Variants in HDAC1 observed in about 807,000 individuals in gnomAD.
HDAC1 encodes the protein histone deacetylase 1.
Under a neutral mutation model 65.5 loss-of-function variants are expected in HDAC1, and 18 were observed. The observed-to-expected ratio is 0.27, with a 90% CI of 0.19 to 0.41. HDAC1 has a LOEUF of 0.41. Ranked by LOEUF, HDAC1 falls within the 10% of genes least tolerant of loss-of-function variation. HDAC1 has a pLI of 1.00. For missense variants in HDAC1, 373 were observed against 625.2 expected (o/e 0.60, Z 4.30); for synonymous variants, 211 against 227.9 (o/e 0.93, Z 0.67).
intron 13 of HDAC1, 93 bp downstream of exon 13, chr1:32,332,842 T>G: frequency 1.6e-6 from 2 of 1,282,114 alleles, no homozygotes; most frequent in Non-Finnish European, 2.2e-6. Flanking sequence ...GGACAGCTGG[T>G]CCAGCTTACA....
chr1:32,316,878 A>T, intron 3 of HDAC1, 96 bp downstream of exon 3: 1 of 769,042 alleles, frequency 1.3e-6, no homozygotes, highest in South Asian at 1.5e-5. Context: ...CCTCCCATTC[A>T]GTGGACACCT....
Position 32,327,382 on chromosome 1 carries a change from G to A in HDAC1, c.495-154G>A, listed in dbSNP as rs762255299. 161 of 689,604 alleles carry A rather than the reference G, an allele frequency of 2.3e-4. No individual in the cohort carries two copies. Among genetic ancestry groups the A allele is most frequent in the Non-Finnish European group, 3.2e-4 (126 of 395,012 alleles). The allele number at this position is 689,604 out of a possible 1,614,324, so 42.7% of individuals were successfully genotyped here. On this transcript the variant is annotated intron_variant, in intron 5 of 13. Coordinates refer to ENST00000373548, the MANE Select transcript of HDAC1 (RefSeq NM_004964.3). This position sits in a 1 kb window ranked among gnomAD's most constrained non-coding sequence, Gnocchi z 6.0. ...CTTGGTCAGGCCTCTGGAGACACCC[G>A]GCCGCTCTTCCACCTTCCTTCAGCC...
Position 32,332,162 on chromosome 1 carries a change from G to A in HDAC1, c.1292G>A (p.Arg431His), listed in dbSNP as rs2148073655. 1.2e-6 allele frequency: 2 copies of A among 1,613,310 alleles called. No individual in the cohort carries two copies. Among genetic ancestry groups the A allele is most frequent in the Non-Finnish European group, 1.7e-6 (2 of 1,179,478 alleles). Residue 431 changes from arginine (R) to histidine (H), a missense_variant, in exon 12 of 14, where the codon CGC becomes CAC. This residue lies in a region of HDAC1 where 126 missense variants were observed against 126.2 expected (regional missense o/e 1.00). Coordinates refer to ENST00000373548, the MANE Select transcript of HDAC1 (RefSeq NM_004964.3). ...SDSEEEGEGG[R>H]KNSSNFKKAK... ...TCTGAAGAGGAGGGAGAGGGGGGCC[G>A]CAAGAACTCTTCCAACTTCAAAAAA...
intron 2 of HDAC1, among the ~76,000 whole-genome samples, chr1:32,314,762 C>T (rs1337010363): frequency 6.8e-6 from 1 of 147,954 alleles, no homozygotes; most frequent in Non-Finnish European, 1.5e-5. Flanking sequence ...GGAGACAGAG[C>T]TTGCAGTGAG....
At chr1:32,319,143 G>C (rs1339305500) in intron 3 of HDAC1, among the ~76,000 whole-genome samples, 2 of 152,126 alleles carry the variant, frequency 1.3e-5, no homozygotes, top group Non-Finnish European at 2.9e-5. Context: ...CAGTCTGGGT[G>C]CCTATAGTCT....
At chr1:32,325,163 A>G (rs529047221) in intron 4 of HDAC1, among the ~76,000 whole-genome samples, 47 of 152,354 alleles carry the variant, frequency 3.1e-4, no homozygotes, top group African/African-American at 6.5e-4. Flanking sequence ...GCAAAGTGCT[A>G]TAAAAATGGA....
chr1:32,332,212 G>GA lies in HDAC1; in HGVS notation c.1347dup (p.Glu450ArgfsTer129). The GA allele has an allele frequency of 6.2e-7, 1 of 1,612,980 alleles. No homozygotes were observed. The highest frequency in any genetic ancestry group is 8.5e-7 in the Non-Finnish European group (1 of 1,179,480). On this transcript the variant is annotated frameshift_variant, in exon 12 of 14. Coordinates refer to ENST00000373548, the MANE Select transcript of HDAC1 (RefSeq NM_004964.3). LOFTEE classifies it high-confidence loss of function. ...AGCCAAGAGAGTCAAAACAGAGGAT[G>GA]AAAAAGAGAAAGACCCAGAGGAGAA...
At position 32,327,156 on chromosome 1, in the gene HDAC1, C is replaced by T. The variant is rs925519085; in HGVS notation, c.494+79C>T. On this transcript the variant is annotated intron_variant, in intron 5 of 13. Transcript: ENST00000373548. This position sits in a 1 kb window ranked among gnomAD's most constrained non-coding sequence, Gnocchi z 6.0. ...TTCCCTCTTCCCCTGGGCTTGCCTC[C>T]CTAGTTTGCTTTTCCTACCGATGTG... 3 of 1,495,144 alleles carry T rather than the reference C, an allele frequency of 2.0e-6. No homozygotes were observed. The African/African-American group carries it at 4.1e-5, about 21-fold the overall frequency. 92.6% of individuals were successfully genotyped at this position (1,495,144 alleles called of 1,614,324 possible). A position where few individuals can be genotyped will look rare whatever the true frequency, so the allele number is the denominator to read the frequency against.
rs16834963 is a variant in HDAC1, at chr1:32,331,982, C to T, written c.1220-108C>T. 3,840 of 1,419,850 alleles carry T rather than the reference C, an allele frequency of 2.7e-3. 96 individuals carry two copies. In the African/African-American group the frequency reaches 0.05, roughly 19 times the overall value. The allele number at this position is 1,419,850 out of a possible 1,614,324, so 88.0% of individuals were successfully genotyped here. On this transcript the variant is annotated intron_variant, in intron 11 of 13. Coordinates refer to ENST00000373548, the MANE Select transcript of HDAC1 (RefSeq NM_004964.3). This position sits in a 1 kb window ranked among gnomAD's most constrained non-coding sequence, Gnocchi z 4.2. Reference sequence around the variant, plus strand: ...CCGAGTTCCTCCCTCTTCTGGTTCCCTTTCCCTTGGTGTCTCTTGGAGGAC... The same window carrying T: ...CCGAGTTCCTCCCTCTTCTGGTTCCTTTTCCCTTGGTGTCTCTTGGAGGAC...
intron 2 of HDAC1, among the ~76,000 whole-genome samples, chr1:32,310,211 T>A (rs1217104662): frequency 2.0e-5 from 3 of 152,198 alleles, no homozygotes; most frequent in Non-Finnish European, 4.4e-5. Context: ...TTAAGCTAGC[T>A]AAACTGACTG....
Position 32,327,763 on chromosome 1 carries a change from T to G in HDAC1, c.636+86T>G. 8.6e-7 allele frequency: 1 copy of G among 1,158,464 alleles called. No homozygotes were observed. Among genetic ancestry groups the G allele is most frequent in the African/African-American group, 1.5e-5 (1 of 66,114 alleles). The allele number at this position is 1,158,464 out of a possible 1,614,324, so 71.8% of individuals were successfully genotyped here. Reference sequence around the variant, plus strand: ...CCTATCTCATGCCACTAAAAATTGCTTCTTGCCTCTTCTGCCAATCAGAAT... The same window carrying G: ...CCTATCTCATGCCACTAAAAATTGCGTCTTGCCTCTTCTGCCAATCAGAAT... On this transcript the variant is annotated intron_variant, in intron 6 of 13. Coordinates refer to ENST00000373548, the MANE Select transcript of HDAC1 (RefSeq NM_004964.3). The surrounding 1 kb of genome is among the most constrained non-coding windows in gnomAD (Gnocchi z 6.0).
At chr1:32,332,847 C>CT (rs1641315707) in intron 13 of HDAC1, 98 bp downstream of exon 13, 1 of 1,243,064 alleles carries the variant, frequency 8.0e-7, no homozygotes, top group East Asian at 2.5e-5. Context: ...GCTGGTCCAG[C>CT]TTACAAAGGC....
chr1:32,292,564 T>TGCA, intron 1 of HDAC1: 1 of 443,114 alleles, frequency 2.3e-6, no homozygotes, highest in Non-Finnish European at 3.0e-6. Flanking sequence ...TACATTTTCT[T>TGCA]GCCGAGAACC....
intron 12 of HDAC1, 116 bp downstream of exon 12, chr1:32,332,358 G>A (rs1178916327): frequency 1.0e-6 from 1 of 979,174 alleles, no homozygotes; most frequent in Non-Finnish European, 1.5e-6. Flanking sequence ...CTCTTCCTCA[G>A]TTCCTTGAGC....
rs1417924031 is a variant in HDAC1, at chr1:32,331,823, G to A, written c.1219+17G>A. 2 of 1,597,582 alleles carry A rather than the reference G, an allele frequency of 1.3e-6. No homozygotes were observed. The highest frequency in any genetic ancestry group is 1.7e-6 in the Non-Finnish European group (2 of 1,171,112). Reference sequence around the variant, plus strand: ...GCATCTCGAGTGAGACCCAGACCTAGAGCCCTATGCCTTCCATTCAATAGG... The same window carrying A: ...GCATCTCGAGTGAGACCCAGACCTAAAGCCCTATGCCTTCCATTCAATAGG... On this transcript the variant is annotated intron_variant, in intron 11 of 13. Coordinates refer to ENST00000373548, the MANE Select transcript of HDAC1 (RefSeq NM_004964.3). This position sits in a 1 kb window ranked among gnomAD's most constrained non-coding sequence, Gnocchi z 4.2.
intron 2 of HDAC1, among the ~76,000 whole-genome samples, chr1:32,311,543 G>C (rs1038429060): frequency 2.0e-5 from 3 of 152,068 alleles, no homozygotes; most frequent in African/African-American, 7.2e-5. Flanking sequence ...GGAAACCCGG[G>C]AAAGAAGGAC....
intron 1 of HDAC1, 151 bp from the exon 2 acceptor site, chr1:32,302,470 T>C (rs2148058187): frequency 1.8e-6 from 1 of 545,154 alleles, no homozygotes; most frequent in South Asian, 2.3e-5. Context: ...TTTTTTCTTT[T>C]GGAGTTACCC....
intron 1 of HDAC1, among the ~76,000 whole-genome samples, chr1:32,299,386 G>T (rs771897138): frequency 7.2e-5 from 11 of 151,924 alleles, no homozygotes; most frequent in Admixed American, 3.3e-4. Context: ...AACAAAGCAA[G>T]ATGCCATCTC....
intron 3 of HDAC1, 76 bp from the exon 4 acceptor site, chr1:32,324,403 G>GT: frequency 6.0e-6 from 6 of 1,001,234 alleles, no homozygotes; most frequent in Non-Finnish European, 9.6e-6. Flanking sequence ...TAAATTCTGT[G>GT]TTTTTTTCCA....
Sources: gnomAD v4.1 joint callset for allele counts (sites outside exome capture counted in the v4.1 genomes callset) on GRCh38, gnomAD v4.1.1 for gene constraint, gnomAD v4.1.1 regional missense constraint, Gnocchi (gnomAD v3.1) non-coding constraint, MANE v1.5 for transcripts, NCBI Gene and HGNC (gene_info 2026-07-23, HGNC 2026-07-21) for gene names.